The following FSIP2 variants were observed in gnomAD, a reference collection of about 807,000 sequenced individuals.
The protein encoded by FSIP2 is fibrous sheath interacting protein 2, also known as fibrous sheath-interacting protein 2.
FSIP2 carries 367 observed loss-of-function variants against 510.5 expected under a neutral mutation model. The observed-to-expected ratio is 0.72, with a 90% confidence interval of 0.66 to 0.78. FSIP2 has a LOEUF of 0.78. Ranked by LOEUF, FSIP2 falls within the 30% of genes least tolerant of loss-of-function variation. FSIP2 has a pLI of 0.00. For synonymous variants in FSIP2, 2,601 were observed against 2,732.2 expected (o/e 0.95, Z 1.50); for missense variants, 7,594 against 7,901.7 (o/e 0.96, Z 1.48).
chr2:185,797,711 G>C (rs1161797472), intron 16 of FSIP2, 185 bp downstream of exon 16: 2 of 632,102 alleles, frequency 3.2e-6, no homozygotes, highest in Non-Finnish European at 5.6e-6. Context: ...ATTTTATTTA[G>C]AAATAGTGTC....
chr2:185,760,258 T>C (rs2105555337), intron 9 of FSIP2, among the ~76,000 whole-genome samples: 1 of 150,472 alleles, frequency 6.6e-6, no homozygotes, highest in Non-Finnish European at 1.5e-5. Flanking sequence ...TTGGCAAGGA[T>C]GTGAAAGAAC....
At position 185,793,639 on chromosome 2, in the gene FSIP2, G is replaced by A. The variant is rs1419131107; in HGVS notation, c.6503G>A (p.Ser2168Asn). ...GTGAATATTGTTCTTCATAATCTCA[G>A]TTCTGCTGCCACGCTTGTCATAAAT... ...DIVNIVLHNLSSAATLVINAK... is the reference protein window; with the variant it reads ...DIVNIVLHNLNSAATLVINAK... Residue 2168 changes from serine to asparagine, a missense_variant, in exon 16 of 23, where the codon AGT becomes AAT. Ser to Asn is a conservative substitution (Grantham distance 46). Transcript: ENST00000424728. The A allele has an allele frequency of 6.5e-7, 1 of 1,534,496 alleles. No homozygotes were observed. The highest frequency in any genetic ancestry group is 1.2e-5 in the South Asian group (1 of 84,034).
At position 185,804,040 on chromosome 2, in the gene FSIP2, T is replaced by C; in HGVS notation, c.14734T>C (p.Leu4912=). Residue 4912 remains leucine, a synonymous_variant, in exon 17 of 23, where the codon TTA becomes CTA. Coordinates refer to ENST00000424728, the MANE Select transcript of FSIP2 (RefSeq NM_173651.4). ...CTTTAACCATCATATTCAATCATTT[T>C]TATCTGAAGATAAAACTCTCCTTTT... The part of the protein sequence containing the change: ...EIFNHHIQSF[L]SEDKTLLLAA... 1.3e-6 allele frequency: 2 copies of C among 1,511,982 alleles called. No homozygotes were observed. Among genetic ancestry groups the C allele is most frequent in the Non-Finnish European group, 1.8e-6 (2 of 1,133,708 alleles). The allele number at this position is 1,511,982 out of a possible 1,614,324, so 93.7% of individuals were successfully genotyped here.
intron 21 of FSIP2, 147 bp from the exon 22 acceptor site, chr2:185,831,666 C>CT: frequency 3.3e-6 from 2 of 603,902 alleles, no homozygotes; most frequent in South Asian, 4.1e-5. Flanking sequence ...CTGAACAATT[C>CT]TTTGAGACTG....
chr2:185,819,936 T>C (rs1693884910), intron 19 of FSIP2, among the ~76,000 whole-genome samples: 1 of 151,864 alleles, frequency 6.6e-6, no homozygotes, highest in African/African-American at 2.4e-5. Context: ...CCAAAATATA[T>C]TAAATAAATA....
In FSIP2 at chr2:185,807,111, GA is replaced by G; in HGVS notation, c.17807del (p.Lys5936ArgfsTer3). On this transcript the variant is annotated frameshift_variant, in exon 17 of 23. Coordinates refer to ENST00000424728, the MANE Select transcript of FSIP2 (RefSeq NM_173651.4). LOFTEE classifies it high-confidence loss of function. ...ACTATGGATCTCAAGACTCTATTTG[GA>G]AGAATATAAACAGTAATGGAGAAAA... Reference protein sequence around the residue: ...NDYGSQDSIWKNINSNGENLA... With the variant: ...NDYGSQDSIWXNINSNGENLA... 1 of 1,598,938 alleles carries G rather than the reference GA, an allele frequency of 6.3e-7. No homozygotes were observed. The highest frequency in any genetic ancestry group is 2.2e-5 in the East Asian group (1 of 44,754).
chr2:185,807,295 G>A lies in FSIP2; in HGVS notation c.17989G>A (p.Glu5997Lys), dbSNP rs773605266. 6.2e-7 allele frequency: 1 copy of A among 1,612,614 alleles called. No homozygotes were observed. The highest frequency in any genetic ancestry group is 1.7e-5 in the Admixed American group (1 of 59,852). ...VQKLAQTASKECQTSSPYTII... is the reference protein window; with the variant it reads ...VQKLAQTASKKCQTSSPYTII... Reference sequence around the variant, plus strand: ...AAAGTTGGCCCAAACAGCCAGCAAAGAATGTCAAACTTCATCACCATATAC... The same window carrying A: ...AAAGTTGGCCCAAACAGCCAGCAAAAAATGTCAAACTTCATCACCATATAC... The change falls in exon 17 of 23, where the codon GAA (glutamate) becomes AAA (lysine). Residue 5997 changes from glutamate (E) to lysine (K), a missense_variant. Glu to Lys is a moderately conservative substitution (Grantham distance 56, BLOSUM62 1). Transcript: ENST00000424728.
Position 185,794,057 on chromosome 2 carries a change from A to T in FSIP2, c.6921A>T (p.Ser2307=). Residue 2307 remains serine (S), a synonymous_variant, in exon 16 of 23, where the codon TCA becomes TCT. Coordinates refer to ENST00000424728, the MANE Select transcript of FSIP2 (RefSeq NM_173651.4). The part of the protein sequence containing the change: ...SIFYDSSQVE[S]DVNVLKISAT... The stretch of plus-strand genomic sequence containing the variant: ...TTTATGATTCAAGCCAAGTGGAATC[A>T]GATGTAAATGTCCTGAAAATATCAG... 6.5e-7 allele frequency: 1 copy of T among 1,533,344 alleles called. No homozygotes were observed. The highest frequency in any genetic ancestry group is 8.7e-7 in the Non-Finnish European group (1 of 1,145,018). The allele number at this position is 1,533,344 out of a possible 1,614,324, so 95.0% of individuals were successfully genotyped here.
intron 17 of FSIP2, among the ~76,000 whole-genome samples, 172 bp from the exon 18 acceptor site, chr2:185,813,373 G>GTTA (rs1029362315): frequency 3.4e-4 from 52 of 151,736 alleles, no homozygotes; most frequent in African/African-American, 1.2e-3. Context: ...AATTTTTTTT[G>GTTA]TTATTTGTCT....
In FSIP2 at chr2:185,803,975, T is replaced by C. The variant is rs1256406747; in HGVS notation, c.14669T>C (p.Ile4890Thr). The change falls in exon 17 of 23, where the codon ATA becomes ACA. Residue 4890 changes from isoleucine to threonine, a missense_variant. Ile to Thr is a moderately conservative substitution (Grantham distance 89, BLOSUM62 -1). Transcript: ENST00000424728. ...ITKDKKSISDIPVSKIASFII... is the reference protein window; with the variant it reads ...ITKDKKSISDTPVSKIASFII... ...AAAGATAAAAAGAGCATAAGTGACATACCTGTTTCAAAAATAGCGAGTTTT... is the reference window on the plus strand; with the variant it reads ...AAAGATAAAAAGAGCATAAGTGACACACCTGTTTCAAAAATAGCGAGTTTT... 6.0e-6 allele frequency: 9 copies of C among 1,498,274 alleles called. No individual in the cohort carries two copies. Among genetic ancestry groups the C allele is most frequent in the Middle Eastern group, 1.7e-4 (1 of 5,778 alleles). 92.8% of individuals were successfully genotyped at this position (1,498,274 alleles called of 1,614,324 possible). A position where few individuals can be genotyped will look rare whatever the true frequency, so the allele number is the denominator to read the frequency against.
chr2:185,758,355 A>G (rs1426149793), intron 9 of FSIP2, among the ~76,000 whole-genome samples: 1 of 151,248 alleles, frequency 6.6e-6, no homozygotes, highest in Non-Finnish European at 1.5e-5. Flanking sequence ...AAAAAAAACT[A>G]CATTTAACTT....
intron 9 of FSIP2, among the ~76,000 whole-genome samples, chr2:185,756,869 G>A (rs569941914): frequency 6.6e-6 from 1 of 151,288 alleles, no homozygotes; most frequent in African/African-American, 2.4e-5. Flanking sequence ...TAAATTTCTT[G>A]GCCTTATTGG....
chr2:185,744,365 T>A lies in FSIP2; in HGVS notation c.431T>A (p.Leu144His). Residue 144 changes from leucine to histidine, a missense_variant, in exon 4 of 23, where the codon CTT (leucine) becomes CAT (histidine). By Grantham distance (99) the Leu-to-His change is moderately conservative. Transcript: ENST00000424728. The part of the protein sequence containing the change: ...LRELNKYRQY[L>H]TSLKLDFERN... ...GAATTGAATAAGTACAGGCAATATC[T>A]TACCAGTTTAAAATTAGACTTTGAG... is the stretch of plus-strand genomic sequence containing the variant. 1 of 1,267,766 alleles carries A rather than the reference T, an allele frequency of 7.9e-7. No individual in the cohort carries two copies. Among genetic ancestry groups the A allele is most frequent in the Non-Finnish European group, 1.0e-6 (1 of 965,404 alleles). 78.5% of individuals were successfully genotyped at this position (1,267,766 alleles called of 1,614,324 possible). A position where few individuals can be genotyped will look rare whatever the true frequency, so the allele number is the denominator to read the frequency against.
Position 185,790,343 on chromosome 2 carries a change from G to A in FSIP2, c.3207G>A (p.Lys1069=). The A allele has an allele frequency of 6.5e-7, 1 of 1,533,454 alleles. No individual in the cohort carries two copies. The highest frequency in any genetic ancestry group is 1.2e-5 in the South Asian group (1 of 83,796). The allele number at this position is 1,533,454 out of a possible 1,614,324, so 95.0% of individuals were successfully genotyped here. A position where few individuals can be genotyped will look rare whatever the true frequency, so the allele number is the denominator to read the frequency against. Residue 1069 remains lysine (K), a synonymous_variant, in exon 16 of 23, where the codon AAG becomes AAA. Coordinates refer to ENST00000424728, the MANE Select transcript of FSIP2 (RefSeq NM_173651.4). Reference sequence around the variant, plus strand: ...CTGCATTTCATGATTGGGAATTAAAGACTGAGCCACCATCTACTAATCATG... The same window carrying A: ...CTGCATTTCATGATTGGGAATTAAAAACTGAGCCACCATCTACTAATCATG... ...SKAAFHDWEL[K]TEPPSTNHED...
intron 5 of FSIP2, among the ~76,000 whole-genome samples, 176 bp downstream of exon 5, chr2:185,745,744 G>T (rs1329563335): frequency 6.6e-6 from 1 of 152,144 alleles, no homozygotes; most frequent in African/African-American, 2.4e-5. Flanking sequence ...AGAGGGGTTA[G>T]GGTTGCTGGA....
chr2:185,753,977 G>A (rs1574156727), intron 8 of FSIP2, 135 bp downstream of exon 8: 1 of 508,742 alleles, frequency 2.0e-6, no homozygotes, highest in South Asian at 5.4e-5. Context: ...CATTTCTGTA[G>A]TATAGTTCAA....
chr2:185,796,785 AC>A lies in FSIP2; in HGVS notation c.9650del (p.Thr3217LysfsTer42). On this transcript the variant is annotated frameshift_variant, in exon 16 of 23. Coordinates refer to ENST00000424728, the MANE Select transcript of FSIP2 (RefSeq NM_173651.4). LOFTEE classifies it high-confidence loss of function. ...CTCTGTCAGATCCTCTGTAGAAGACACAGTTAAAAACTCAGAGCCAACGAAA... is the reference window on the plus strand; with the variant it reads ...CTCTGTCAGATCCTCTGTAGAAGACAAGTTAAAAACTCAGAGCCAACGAAA... ...PTSVRSSVED[T>X]VKNSEPTKRP... 2 of 1,535,128 alleles carry A rather than the reference AC, an allele frequency of 1.3e-6. No individual in the cohort carries two copies. Among genetic ancestry groups the A allele is most frequent in the Non-Finnish European group, 1.7e-6 (2 of 1,146,276 alleles).
At position 185,794,120 on chromosome 2, in the gene FSIP2, C is replaced by G; in HGVS notation, c.6984C>G (p.Phe2328Leu). 1 of 1,531,980 alleles carries G rather than the reference C, an allele frequency of 6.5e-7. No individual in the cohort carries two copies. Among genetic ancestry groups the G allele is most frequent in the South Asian group, 1.2e-5 (1 of 83,528 alleles). The allele number at this position is 1,531,980 out of a possible 1,614,324, so 94.9% of individuals were successfully genotyped here. A position where few individuals can be genotyped will look rare whatever the true frequency, so the allele number is the denominator to read the frequency against. ...TTCTCAGCCAAGAGCTTACAGATTT[C>G]ACTTTTGTTGGTCGCAGAGAAAAAC... ...ETILSQELTD[F>L]TFVGRREKLG... The change falls in exon 16 of 23, where the codon TTC (phenylalanine) becomes TTG (leucine). Residue 2328 changes from phenylalanine to leucine, a missense_variant. Phe to Leu is a conservative substitution (Grantham distance 22, BLOSUM62 0). Coordinates refer to ENST00000424728, the MANE Select transcript of FSIP2 (RefSeq NM_173651.4).
chr2:185,753,568 A>G (rs1336084612), intron 7 of FSIP2, among the ~76,000 whole-genome samples, 154 bp from the exon 8 acceptor site: 1 of 151,468 alleles, frequency 6.6e-6, no homozygotes, highest in Non-Finnish European at 1.5e-5. Flanking sequence ...ACAAATGGAA[A>G]TTTGCCCCTT....
Sources: allele counts gnomAD v4.1 joint callset (sites outside exome capture counted in the v4.1 genomes callset), GRCh38; gene constraint gnomAD v4.1.1; transcripts MANE v1.5; gene names NCBI Gene and HGNC (gene_info 2026-07-23, HGNC 2026-07-21).